MPRIP: variants seen among roughly 807,000 people sequenced by gnomAD.
MPRIP encodes the protein myosin phosphatase Rho interacting protein, also known as myosin phosphatase Rho-interacting protein.
Under a neutral mutation model 234.9 loss-of-function variants are expected in MPRIP, and 59 were observed. The ratio of observed to expected loss-of-function variants is 0.25; its 90% CI spans 0.20 to 0.31. MPRIP has a LOEUF of 0.31. MPRIP is among the 10% of genes least tolerant of loss of function. The pLI, the probability that MPRIP is intolerant of heterozygous loss-of-function variation, is 1.00. For missense variants in MPRIP, 2,436 were observed against 3,071.0 expected, an observed-to-expected ratio of 0.79 and a Z score of 4.89; for synonymous variants, 1,144 against 1,263.9, an observed-to-expected ratio of 0.91 and a Z score of 2.01.
In MPRIP at chr17:17,077,754, A is replaced by T. The variant is rs1389086484; in HGVS notation, c.202-257A>T. Reference sequence around the variant, plus strand: ...GCTCCTGAGGAGCTTCCAAGTGTTAAAAAAAAAAAAAAAAAAAGACTTCTT... The same window carrying T: ...GCTCCTGAGGAGCTTCCAAGTGTTATAAAAAAAAAAAAAAAAAGACTTCTT... On this transcript the variant is annotated intron_variant, in intron 2 of 23. Transcript: ENST00000651222. 43 of 6,234 alleles carry T rather than the reference A, an allele frequency of 6.9e-3. 1 individual carries two copies. In the East Asian group the frequency reaches 0.28, roughly 40 times the overall value. The allele number at this position is 6,234 out of a possible 1,614,324, so 0.4% of individuals were successfully genotyped here. A position where few individuals can be genotyped will look rare whatever the true frequency, so the allele number is the denominator to read the frequency against.
At chr17:17,177,925 ATT>A (rs35154903) in intron 22 of MPRIP, among the ~76,000 whole-genome samples, 6,865 of 127,256 alleles carry the variant, frequency 0.054, 470 homozygotes, top group African/African-American at 0.17. Context: ...CTCATACGTA[ATT>A]TTTTTTTTTT....
chr17:17,080,110 T>C (rs1411075414), intron 3 of MPRIP, among the ~76,000 whole-genome samples: 1 of 152,206 alleles, frequency 6.6e-6, no homozygotes, highest in Non-Finnish European at 1.5e-5. Context: ...GCAGATGACC[T>C]GGGAGCTGGA....
intron 11 of MPRIP, 193 bp from the exon 12 acceptor site, chr17:17,149,951 G>A (rs913078382): frequency 1.9e-6 from 1 of 537,852 alleles, no homozygotes; most frequent in African/African-American, 1.9e-5. Context: ...TGGATACAGG[G>A]ACAGATGGTG....
chr17:17,164,963 C>T lies in MPRIP; in HGVS notation c.3372C>T (p.Ser1124=), dbSNP rs769734644. 32 of 1,303,198 alleles carry T rather than the reference C, an allele frequency of 2.5e-5. No homozygotes were observed. In the African/African-American group the frequency reaches 3.6e-4, roughly 15 times the overall value. The allele number at this position is 1,303,198 out of a possible 1,614,324, so 80.7% of individuals were successfully genotyped here. Residue 1124 remains serine, a synonymous_variant, in exon 16 of 24, where the codon TCC becomes TCT. Coordinates refer to ENST00000651222, the MANE Select transcript of MPRIP (RefSeq NM_001364716.4). ...FQELTERVAT[S]DEDVAELREK... ...AGCTGACAGAGCGCGTGGCCACGTCCGACGAGGATGTGGCTGAGCTCCGGG... is the reference window on the plus strand; with the variant it reads ...AGCTGACAGAGCGCGTGGCCACGTCTGACGAGGATGTGGCTGAGCTCCGGG...
intron 3 of MPRIP, 94 bp from the exon 4 acceptor site, chr17:17,126,608 C>T (rs2090494279): frequency 7.8e-6 from 11 of 1,415,522 alleles, no homozygotes; most frequent in Non-Finnish European, 1.0e-5. Context: ...CTAGAGGCCC[C>T]ACAGGCTGGG....
chr17:17,075,592 A>C (rs1272653377), intron 1 of MPRIP, 118 bp from the exon 2 acceptor site: 2 of 842,208 alleles, frequency 2.4e-6, no homozygotes, highest in Non-Finnish European at 4.0e-6. Context: ...AATAGGTGTC[A>C]TGACCTCTGC....
rs371315021 is a variant in MPRIP, at chr17:17,089,652, T to C, written c.267+11576T>C. 1.8e-4 allele frequency among the ~76,000 whole-genome samples: 28 copies of C among 151,992 alleles called. 2 individuals are homozygous for C. Among genetic ancestry groups the C allele is most frequent in the East Asian group, 1.2e-3 (6 of 5,158 alleles). ...CTCTGGGGAGTTCAGCAGGGCTAAG[T>C]AGGACTTGTGGGGGTGCTGCTAGGT... On this transcript the variant is annotated intron_variant, in intron 3 of 23. Coordinates refer to ENST00000651222, the MANE Select transcript of MPRIP (RefSeq NM_001364716.4).
chr17:17,168,165 A>G (rs1470546935), intron 16 of MPRIP: 7 of 337,434 alleles, frequency 2.1e-5, no homozygotes, highest in Non-Finnish European at 3.5e-5. Context: ...GGAGAGGAGC[A>G]CGTAGTCTTC....
At position 17,136,231 on chromosome 17, in the gene MPRIP, G is replaced by A; in HGVS notation, c.517G>A (p.Ala173Thr). 6.2e-7 allele frequency: 1 copy of A among 1,609,910 alleles called. No homozygotes were observed. Among genetic ancestry groups the A allele is most frequent in the Non-Finnish European group, 8.5e-7 (1 of 1,179,332 alleles). The change falls in exon 6 of 24, where the codon GCC becomes ACC. Residue 173 changes from alanine to threonine, a missense_variant. Physicochemically the swap from Ala to Thr is moderately conservative, Grantham distance 58. This residue lies in a region of MPRIP where 31 missense variants were observed against 90.7 expected (regional missense o/e 0.34). Coordinates refer to ENST00000651222, the MANE Select transcript of MPRIP (RefSeq NM_001364716.4). ...EPPTPQEPGP[A>T]KVAVTSSSSS... ...TCTCCTCCTCCAGGAGCCTGGGCCTGCCAAGGTGGCTGTTACCAGCAGCAG... is the reference window on the plus strand; with the variant it reads ...TCTCCTCCTCCAGGAGCCTGGGCCTACCAAGGTGGCTGTTACCAGCAGCAG...
rs1265115834 is a variant in MPRIP at position 17,176,414 on chromosome 17, C to T, written c.6871-12C>T. The stretch of plus-strand genomic sequence containing the variant: ...TCCTGAATATTGGTCCCTGATCTCT[C>T]TGTCATTTTAGGTCTTATTGCGGGT... On this transcript the variant is annotated splice_polypyrimidine_tract_variant and intron_variant, in intron 20 of 23. Transcript: ENST00000651222. 1.9e-6 allele frequency: 3 copies of T among 1,606,696 alleles called. No homozygotes were observed. The highest frequency in any genetic ancestry group is 2.7e-5 in the African/African-American group (2 of 74,754).
intron 1 of MPRIP, among the ~76,000 whole-genome samples, chr17:17,073,069 T>C (rs2089237435): frequency 6.6e-6 from 1 of 152,152 alleles, no homozygotes; most frequent in Non-Finnish European, 1.5e-5. Context: ...AAAGAAACCC[T>C]GCACCTCTTG....
intron 13 of MPRIP, among the ~76,000 whole-genome samples, chr17:17,155,142 C>T (rs2045698547): frequency 6.6e-6 from 1 of 152,182 alleles, no homozygotes; most frequent in African/African-American, 2.4e-5. Context: ...TTTCTCAGGT[C>T]ATGTGATGTA....
At chr17:17,092,540 G>A (rs564753845) in intron 3 of MPRIP, among the ~76,000 whole-genome samples, 1 of 152,246 alleles carries the variant, frequency 6.6e-6, no homozygotes, top group Non-Finnish European at 1.5e-5. Flanking sequence ...GGGAATTCCC[G>A]AAGGCTTCCC....
intron 4 of MPRIP, among the ~76,000 whole-genome samples, chr17:17,130,361 T>C (rs960011983): frequency 3.8e-4 from 58 of 151,646 alleles, no homozygotes; most frequent in Admixed American, 1.1e-3. Flanking sequence ...ATTTTCTCCT[T>C]CCCTCTCTTC....
chr17:17,069,433 A>G (rs1468474253), intron 1 of MPRIP, among the ~76,000 whole-genome samples: 1 of 150,408 alleles, frequency 6.6e-6, no homozygotes, highest in African/African-American at 2.4e-5. Context: ...TTTACGGATA[A>G]CTTAGGGCAT....
chr17:17,107,709 C>A (rs112950740), intron 3 of MPRIP, among the ~76,000 whole-genome samples: 2 of 152,186 alleles, frequency 1.3e-5, no homozygotes, highest in Non-Finnish European at 1.5e-5. Context: ...ACTCTGATGG[C>A]GGGGGAAACC....
At chr17:17,093,244 G>T (rs2089761182) in intron 3 of MPRIP, among the ~76,000 whole-genome samples, 1 of 152,200 alleles carries the variant, frequency 6.6e-6, no homozygotes, top group Non-Finnish European at 1.5e-5. Context: ...GGCTTGGAAA[G>T]GATCTTCGCA....
intron 23 of MPRIP, 60 bp downstream of exon 23, chr17:17,180,148 C>T: frequency 1.5e-6 from 2 of 1,373,660 alleles, no homozygotes; most frequent in African/African-American, 1.5e-5. Context: ...GGAGAGTAGC[C>T]CAAATTGAAG....
intron 12 of MPRIP, among the ~76,000 whole-genome samples, chr17:17,150,642 A>G (rs1323059722): frequency 7.3e-6 from 1 of 137,090 alleles, no homozygotes; most frequent in Non-Finnish European, 1.5e-5. Flanking sequence ...TTACAAGGCT[A>G]TTTTTTCCCA....
Sources: allele counts gnomAD v4.1 joint callset (sites outside exome capture counted in the v4.1 genomes callset), GRCh38; gene constraint gnomAD v4.1.1; regional missense constraint gnomAD v4.1.1; transcripts MANE v1.5; gene names NCBI Gene and HGNC (gene_info 2026-07-23, HGNC 2026-07-21).